TMEM117: variants seen among roughly 807,000 people sequenced by gnomAD.
TMEM117 encodes transmembrane protein 117.
A neutral mutation model predicts 52.4 loss-of-function variants in TMEM117; 27 were observed. That is an observed-to-expected ratio of 0.51 (90% CI 0.38 to 0.71). TMEM117 has a LOEUF of 0.71. Among genes scored for constraint, TMEM117 ranks in the 30% least tolerant of loss-of-function variants. TMEM117 has a pLI of 0.00. For synonymous variants in TMEM117, 215 were observed against 206.3 expected (o/e 1.04, Z -0.36); for missense variants, 556 against 630.5 (o/e 0.88, Z 1.26).
At chr12:44,290,667 T>C (rs1950692881) in intron 5 of TMEM117, among the ~76,000 whole-genome samples, 1 of 152,238 alleles carries the variant, frequency 6.6e-6, no homozygotes, top group African/African-American at 2.4e-5. Flanking sequence ...GACAAGTGTC[T>C]CTCTTTGTCA....
intron 4 of TMEM117, among the ~76,000 whole-genome samples, chr12:44,166,807 A>T (rs760703699): frequency 5.3e-5 from 8 of 152,216 alleles, no homozygotes; most frequent in Non-Finnish European, 1.0e-4. Flanking sequence ...AAATTCTCCA[A>T]GTATTCCTGT....
intron 3 of TMEM117, among the ~76,000 whole-genome samples, chr12:44,104,575 C>T (rs1947920529): frequency 6.6e-6 from 1 of 152,012 alleles, no homozygotes; most frequent in East Asian, 1.9e-4. Flanking sequence ...TTCTCCAACA[C>T]TTTTCCTTTA....
At chr12:44,265,058 A>G (rs1220341450) in intron 5 of TMEM117, among the ~76,000 whole-genome samples, 1 of 152,196 alleles carries the variant, frequency 6.6e-6, no homozygotes, top group Non-Finnish European at 1.5e-5. Context: ...CCAGCTTTGA[A>G]GATGCTTGTC....
At chr12:44,124,956 ATT>A (rs1286531893) in intron 3 of TMEM117, among the ~76,000 whole-genome samples, 1 of 152,014 alleles carries the variant, frequency 6.6e-6, no homozygotes, top group Non-Finnish European at 1.5e-5. Context: ...TCCTTTTCAA[ATT>A]TTTGGGAACA....
At chr12:43,947,817 C>T (rs1167822818) in intron 3 of TMEM117, among the ~76,000 whole-genome samples, 1 of 152,122 alleles carries the variant, frequency 6.6e-6, no homozygotes, top group Non-Finnish European at 1.5e-5. Flanking sequence ...TTTAGGATTC[C>T]TTTCCAAACT....
At chr12:43,992,011 A>G (rs2137752093) in intron 3 of TMEM117, among the ~76,000 whole-genome samples, 1 of 152,084 alleles carries the variant, frequency 6.6e-6, no homozygotes, top group East Asian at 2.0e-4. Context: ...AAATATACAA[A>G]AATTAGCTGG....
At chr12:43,848,869 C>G (rs1414914774) in intron 2 of TMEM117, among the ~76,000 whole-genome samples, 1 of 152,196 alleles carries the variant, frequency 6.6e-6, no homozygotes, top group Non-Finnish European at 1.5e-5. Flanking sequence ...TTCGGAGTCC[C>G]TGACTTCCTG....
At chr12:44,356,552 C>T (rs569012397) in intron 6 of TMEM117, among the ~76,000 whole-genome samples, 2 of 152,194 alleles carry the variant, frequency 1.3e-5, no homozygotes, top group South Asian at 4.1e-4. Flanking sequence ...TTCCAGCTGT[C>T]TTCTGTATAT....
At chr12:44,269,967 T>C (rs1950426717) in intron 5 of TMEM117, among the ~76,000 whole-genome samples, 1 of 152,100 alleles carries the variant, frequency 6.6e-6, no homozygotes, top group Non-Finnish European at 1.5e-5. Context: ...ATAGTAGCTT[T>C]ATCTTGGAAT....
intron 6 of TMEM117, among the ~76,000 whole-genome samples, chr12:44,317,048 G>C (rs1206664068): frequency 1.2e-5 from 1 of 81,444 alleles, no homozygotes; most frequent in African/African-American, 4.8e-5. Context: ...GAATCTTGTT[G>C]AGCCTCCTTG....
intron 3 of TMEM117, among the ~76,000 whole-genome samples, chr12:44,141,411 A>G (rs140326413): frequency 6.4e-4 from 98 of 152,132 alleles, no homozygotes; most frequent in African/African-American, 2.2e-3. Flanking sequence ...GAAAAGCCCC[A>G]GAGTGTGGTC....
intron 6 of TMEM117, among the ~76,000 whole-genome samples, chr12:44,304,288 TAGAG>T (rs1215515142): frequency 6.6e-6 from 1 of 152,156 alleles, no homozygotes; most frequent in African/African-American, 2.4e-5. Flanking sequence ...CTGGCACACA[TAGAG>T]AGCATCTAGA....
chr12:44,110,259 T>G (rs548015348), intron 3 of TMEM117, among the ~76,000 whole-genome samples: 3 of 150,372 alleles, frequency 2.0e-5, no homozygotes, highest in Non-Finnish European at 4.4e-5. Flanking sequence ...ATAGGAGCAG[T>G]GAGAGGGCAT....
chr12:43,963,123 T>G (rs939686401), intron 3 of TMEM117, among the ~76,000 whole-genome samples: 2 of 151,524 alleles, frequency 1.3e-5, no homozygotes, highest in African/African-American at 2.4e-5. Context: ...AATATTTGAT[T>G]GCTTAAATAT....
intron 6 of TMEM117, among the ~76,000 whole-genome samples, chr12:44,356,369 A>G (rs1951648498): frequency 6.6e-6 from 1 of 152,112 alleles, no homozygotes; most frequent in Non-Finnish European, 1.5e-5. Context: ...GAATGAGTTC[A>G]TAGTGTCAAC....
At chr12:44,038,149 A>G (rs1450636059) in intron 3 of TMEM117, among the ~76,000 whole-genome samples, 1 of 152,162 alleles carries the variant, frequency 6.6e-6, no homozygotes, top group Non-Finnish European at 1.5e-5. Flanking sequence ...TGGGGCTAAA[A>G]GAGCAATAAC....
chr12:44,218,709 A>G (rs1407315897), intron 5 of TMEM117, among the ~76,000 whole-genome samples: 2 of 152,202 alleles, frequency 1.3e-5, no homozygotes, highest in African/African-American at 4.8e-5. Flanking sequence ...GACATATGAG[A>G]CATATTACCT....
intron 1 of TMEM117, among the ~76,000 whole-genome samples, chr12:43,840,971 T>C (rs542879719): frequency 4.1e-4 from 62 of 152,244 alleles, no homozygotes; most frequent in South Asian, 3.5e-3. Context: ...CTGGATAATA[T>C]TGGGGTACCT....
intron 4 of TMEM117, among the ~76,000 whole-genome samples, chr12:44,161,440 G>A (rs1948897057): frequency 6.6e-6 from 1 of 152,104 alleles, no homozygotes; most frequent in African/African-American, 2.4e-5. Flanking sequence ...TGTCATGATA[G>A]GCTCTCATAA....
Sources: allele counts gnomAD v4.1 joint callset (sites outside exome capture counted in the v4.1 genomes callset), GRCh38; gene constraint gnomAD v4.1.1; transcripts MANE v1.5; gene names NCBI Gene and HGNC (gene_info 2026-07-23, HGNC 2026-07-21).